CHST13: variants seen among roughly 807,000 people sequenced by gnomAD.
CHST13 encodes carbohydrate sulfotransferase 13, also known as C4ST-3.
Under a neutral mutation model 7.0 loss-of-function variants are expected in CHST13, and 1 was observed. The ratio of observed to expected loss-of-function variants is 0.14; its 90% CI spans 0.05 to 0.68. CHST13 has a LOEUF of 0.68. Among genes scored for constraint, CHST13 ranks in the 30% least tolerant of loss-of-function variants. The pLI is 0.82. For missense variants in CHST13, 572 were observed against 507.9 expected (o/e 1.13, Z -1.21); for synonymous variants, 257 against 240.9 (o/e 1.07, Z -0.62).
chr3:126,529,011 T>A (rs1936592997), intron 1 of CHST13: 38 of 341,994 alleles, frequency 1.1e-4, no homozygotes, highest in South Asian at 8.2e-4. Context: ...CCTGCTTATC[T>A]CCTCTTGCAA....
chr3:126,536,304 T>C lies in CHST13; in HGVS notation c.131T>C (p.Leu44Pro). The stretch of plus-strand genomic sequence containing the variant: ...AACAGAGCCCTGGGCTCCAGCTGGC[T>C]TGGTGGGGAGAAGAGAAGCCCCCTG... Reference protein sequence around the residue: ...FGNRALGSSWLGGEKRSPLQK... With the variant: ...FGNRALGSSWPGGEKRSPLQK... The change falls in exon 2 of 3, where the codon CTT becomes CCT. Residue 44 changes from leucine (L) to proline (P), a missense_variant. Physicochemically the swap from Leu to Pro is moderately conservative, Grantham distance 98 (BLOSUM62 -3). Transcript: ENST00000319340. 1 of 1,614,064 alleles carries C rather than the reference T, an allele frequency of 6.2e-7. No individual in the cohort carries two copies. The highest frequency in any genetic ancestry group is 8.5e-7 in the Non-Finnish European group (1 of 1,179,974).
chr3:126,542,187 C>A lies in CHST13; in HGVS notation c.635C>A (p.Ala212Glu). Residue 212 changes from alanine to glutamate, a missense_variant, in exon 3 of 3, where the codon GCG becomes GAG. Physicochemically the swap from Ala to Glu is moderately radical, Grantham distance 107. Transcript: ENST00000319340. ...ATCGTTCAGCGCCTGCGGCCGCGCG[C>A]GCTCCCCGACGCCCGGGCCCGCGGC... Reference protein sequence around the residue: ...ARIVQRLRPRALPDARARGHD... With the variant: ...ARIVQRLRPRELPDARARGHD... The A allele has an allele frequency of 1.4e-6, 2 of 1,438,420 alleles. No homozygotes were observed. The highest frequency in any genetic ancestry group is 3.0e-5 in the Admixed American group (1 of 33,424). 89.1% of individuals were successfully genotyped at this position (1,438,420 alleles called of 1,614,324 possible).
rs771050150 is a variant in CHST13 at position 126,542,167 on chromosome 3, T to C, written c.615T>C (p.Val205=). Residue 205 remains valine (V), a synonymous_variant, in exon 3 of 3, where the codon GTT becomes GTC. Coordinates refer to ENST00000319340, the MANE Select transcript of CHST13 (RefSeq NM_152889.3). ...AGAGGCGCTACGGTGCACGCATCGTTCAGCGCCTGCGGCCGCGCGCGCTCC... is the reference window on the plus strand; with the variant it reads ...AGAGGCGCTACGGTGCACGCATCGTCCAGCGCCTGCGGCCGCGCGCGCTCC... ...AFQRRYGARI[V]QRLRPRALPD... is the part of the protein sequence containing the mutation. The C allele has an allele frequency of 6.7e-7, 1 of 1,491,204 alleles. No individual in the cohort carries two copies. Among genetic ancestry groups the C allele is most frequent in the South Asian group, 1.3e-5 (1 of 78,934 alleles). The allele number at this position is 1,491,204 out of a possible 1,614,324, so 92.4% of individuals were successfully genotyped here.
Position 126,524,159 on chromosome 3 carries a change from C to A in CHST13, c.-174C>A. The A allele has an allele frequency of 5.2e-6, 2 of 382,778 alleles. No homozygotes were observed. Among genetic ancestry groups the A allele is most frequent in the Non-Finnish European group, 8.9e-6 (2 of 225,978 alleles). The allele number at this position is 382,778 out of a possible 1,614,324, so 23.7% of individuals were successfully genotyped here. Reference sequence around the variant, plus strand: ...CCCACCGTGTCCCGCCTCCTCAGTCCCCAGCGACTCGCAGGGGCTGGTGGG... The same window carrying A: ...CCCACCGTGTCCCGCCTCCTCAGTCACCAGCGACTCGCAGGGGCTGGTGGG... On this transcript the variant is annotated 5_prime_UTR_variant, in exon 1 of 3. Coordinates refer to ENST00000319340, the MANE Select transcript of CHST13 (RefSeq NM_152889.3).
At chr3:126,537,568 G>C (rs77873409) in intron 2 of CHST13, among the ~76,000 whole-genome samples, 5 of 152,166 alleles carry the variant, frequency 3.3e-5, no homozygotes, top group Non-Finnish European at 7.4e-5. Flanking sequence ...GCCTTCCTTC[G>C]CAGAGTGTGA....
chr3:126,537,290 G>C (rs1352684144), intron 2 of CHST13, among the ~76,000 whole-genome samples: 1 of 152,252 alleles, frequency 6.6e-6, no homozygotes, highest in Non-Finnish European at 1.5e-5. Context: ...AGGCCTGGCG[G>C]GGAGTGGAGG....
rs1340533794 is a variant in CHST13 at position 126,529,390 on chromosome 3, G to T, written c.97+4961G>T. On this transcript the variant is annotated intron_variant, in intron 1 of 2. Transcript: ENST00000319340. ...CCACTTGCCTACGGATGCCGCAAGG[G>T]GGGACAGGTGTCAGGACAAGGGGGC... The T allele has an allele frequency of 3.1e-6, 4 of 1,289,062 alleles. No individual in the cohort carries two copies. In the African/African-American group the frequency reaches 4.6e-5, roughly 15 times the overall value. The allele number at this position is 1,289,062 out of a possible 1,614,324, so 79.9% of individuals were successfully genotyped here.
At chr3:126,531,244 C>A (rs72982011) in intron 1 of CHST13, among the ~76,000 whole-genome samples, 18,289 of 152,200 alleles carry the variant, frequency 0.12, 1,702 homozygotes, top group African/African-American at 0.26. Context: ...AGGTGGGGCC[C>A]GGGATTCTTG....
intron 2 of CHST13, 58 bp from the exon 3 acceptor site, chr3:126,541,675 G>A (rs1936958668): frequency 2.2e-6 from 3 of 1,366,794 alleles, no homozygotes; most frequent in South Asian, 1.6e-5. Context: ...CAGCGCCAGA[G>A]TCAGGGAGCC....
At chr3:126,524,465 C>G (rs1447541401) in intron 1 of CHST13, 36 bp downstream of exon 1, 6 of 777,132 alleles carry the variant, frequency 7.7e-6, no homozygotes, top group Non-Finnish European at 1.0e-5. Flanking sequence ...CACCCCCAAC[C>G]AAACCTGGCT....
rs375673675 is a variant in CHST13, at chr3:126,524,707, G to C, written c.97+278G>C. On this transcript the variant is annotated intron_variant, in intron 1 of 2. Transcript: ENST00000319340. ...TGCCTGGAGACCGGGGTCAGTTGTGGGGGGTAGAGGACAATTGGCCAATCC... is the reference window on the plus strand; with the variant it reads ...TGCCTGGAGACCGGGGTCAGTTGTGCGGGGTAGAGGACAATTGGCCAATCC... 2.0e-5 allele frequency among the ~76,000 whole-genome samples: 3 copies of C among 152,296 alleles called. No homozygotes were observed. The East Asian group carries it at 5.8e-4, about 30-fold the overall frequency.
intron 1 of CHST13, among the ~76,000 whole-genome samples, chr3:126,533,852 C>A (rs1936709214): frequency 6.6e-6 from 1 of 152,106 alleles, no homozygotes; most frequent in South Asian, 2.1e-4. Context: ...TGATCCTGGG[C>A]TTTTGTTTGT....
chr3:126,532,632 C>G (rs1936681781), intron 1 of CHST13, among the ~76,000 whole-genome samples: 1 of 152,216 alleles, frequency 6.6e-6, no homozygotes, highest in Non-Finnish European at 1.5e-5. Context: ...ATCTATATGT[C>G]TCTCCTAGCC....
chr3:126,526,775 T>C (rs774641785), intron 1 of CHST13, among the ~76,000 whole-genome samples: 47 of 152,194 alleles, frequency 3.1e-4, no homozygotes, highest in Non-Finnish European at 5.6e-4. Context: ...CCCAGAGCAC[T>C]GCTGCCCTCA....
intron 2 of CHST13, among the ~76,000 whole-genome samples, chr3:126,536,950 A>G (rs1369905661): frequency 6.6e-6 from 1 of 151,794 alleles, no homozygotes; most frequent in Non-Finnish European, 1.5e-5. Flanking sequence ...ACTTATTCGG[A>G]CAGCACATAT....
intron 1 of CHST13, among the ~76,000 whole-genome samples, chr3:126,525,254 C>A (rs979697984): frequency 2.6e-5 from 4 of 152,160 alleles, no homozygotes; most frequent in African/African-American, 9.7e-5. Context: ...CTCCCCACCC[C>A]CAGTGTGGGC....
chr3:126,524,300 G>C lies in CHST13; in HGVS notation c.-33G>C. 2.4e-6 allele frequency: 3 copies of C among 1,226,496 alleles called. No individual in the cohort carries two copies. Among genetic ancestry groups the C allele is most frequent in the Non-Finnish European group, 3.0e-6 (3 of 983,936 alleles). 76.0% of individuals were successfully genotyped at this position (1,226,496 alleles called of 1,614,324 possible). On this transcript the variant is annotated 5_prime_UTR_variant, in exon 1 of 3. Transcript: ENST00000319340. Reference sequence around the variant, plus strand: ...GCAACTCCGCCCCCAGCCGTATCCAGCGGACTGTCCTCCGCCGCGCGCCCG... The same window carrying C: ...GCAACTCCGCCCCCAGCCGTATCCACCGGACTGTCCTCCGCCGCGCGCCCG...
Position 126,524,297 on chromosome 3 carries a change from C to A in CHST13, c.-36C>A, listed in dbSNP as rs1431949230. 5.7e-6 allele frequency: 7 copies of A among 1,224,348 alleles called. No homozygotes were observed. The East Asian group carries it at 2.0e-4, about 35-fold the overall frequency. 75.8% of individuals were successfully genotyped at this position (1,224,348 alleles called of 1,614,324 possible). A position where few individuals can be genotyped will look rare whatever the true frequency, so the allele number is the denominator to read the frequency against. ...AGTGCAACTCCGCCCCCAGCCGTAT[C>A]CAGCGGACTGTCCTCCGCCGCGCGC... On this transcript the variant is annotated 5_prime_UTR_variant, in exon 1 of 3. Transcript: ENST00000319340.
intron 1 of CHST13, among the ~76,000 whole-genome samples, chr3:126,532,150 C>T (rs776991276): frequency 2.6e-5 from 4 of 152,210 alleles, no homozygotes; most frequent in South Asian, 2.1e-4. Flanking sequence ...GTTCTCCATA[C>T]GTTGTGGGTA....
Sources: gnomAD v4.1 joint callset for allele counts (sites outside exome capture counted in the v4.1 genomes callset) on GRCh38, gnomAD v4.1.1 for gene constraint, MANE v1.5 for transcripts, NCBI Gene and HGNC (gene_info 2026-07-23, HGNC 2026-07-21) for gene names.